The following DDX43 variants were observed in gnomAD, a reference collection of about 807,000 sequenced individuals.
The protein encoded by DDX43 is DEAD-box helicase 43, also known as probable ATP-dependent RNA helicase DDX43.
In DDX43, 50 loss-of-function variants were observed where a neutral mutation model predicts 84.9. The observed-to-expected ratio is 0.59, with a 90% confidence interval of 0.47 to 0.75. DDX43 has a LOEUF of 0.75. Among genes scored for constraint, DDX43 ranks in the 30% least tolerant of loss-of-function variants. The pLI, the probability that DDX43 is intolerant of heterozygous loss-of-function variation, is 0.00. For synonymous variants in DDX43, 291 were observed against 266.3 expected, an observed-to-expected ratio of 1.09 and a Z score of -0.90; for missense variants, 689 against 798.6, an observed-to-expected ratio of 0.86 and a Z score of 1.65.
chr6:73,401,489 AG>A (rs910622486), intron 3 of DDX43, among the ~76,000 whole-genome samples: 2 of 152,212 alleles, frequency 1.3e-5, no homozygotes, highest in Non-Finnish European at 2.9e-5. Context: ...TTATATTTTA[AG>A]CATTGTCTGT....
At position 73,395,158 on chromosome 6, in the gene DDX43, G is replaced by T; in HGVS notation, c.250+3G>T. 5 of 1,606,888 alleles carry T rather than the reference G, an allele frequency of 3.1e-6. No individual in the cohort carries two copies. Among genetic ancestry groups the T allele is most frequent in the South Asian group, 1.1e-5 (1 of 90,406 alleles). ...CCACTTTGTTGGCGCGGTAATCGGT[G>T]AGAATGGGAGTGGCTGGCAGGGCAG... On this transcript the variant is annotated splice_donor_region_variant and intron_variant, in intron 1 of 16. Coordinates refer to ENST00000370336, the MANE Select transcript of DDX43 (RefSeq NM_018665.3).
At position 73,395,202 on chromosome 6, in the gene DDX43, C is replaced by T. The variant is rs772839079; in HGVS notation, c.250+47C>T. ...AGGGCAGGATAGGTGGGGCCAGGGG[C>T]GGAGCCTGGGCGAAGGCATTTCCTC... is the stretch of plus-strand genomic sequence containing the variant. On this transcript the variant is annotated intron_variant, in intron 1 of 16. Transcript: ENST00000370336. 13 of 1,544,844 alleles carry T rather than the reference C, an allele frequency of 8.4e-6. No homozygotes were observed. In the Admixed American group the frequency reaches 2.4e-4, roughly 28 times the overall value.
chr6:73,412,151 A>G lies in DDX43; in HGVS notation c.1281-54A>G, dbSNP rs967346026. The G allele has an allele frequency of 4.7e-6, 7 of 1,482,244 alleles. No homozygotes were observed. The African/African-American group carries it at 9.8e-5, about 21-fold the overall frequency. 91.8% of individuals were successfully genotyped at this position (1,482,244 alleles called of 1,614,324 possible). On this transcript the variant is annotated intron_variant, in intron 10 of 16. Transcript: ENST00000370336. ...ACTTGGTTCATAGCATGCTTAAGGA[A>G]ACATAGTAATGTTTTTACAACAAAA...
chr6:73,408,539 A>G (rs980479123), intron 9 of DDX43, among the ~76,000 whole-genome samples: 1 of 152,076 alleles, frequency 6.6e-6, no homozygotes, highest in Non-Finnish European at 1.5e-5. Flanking sequence ...TTCTTTTAGA[A>G]TGGCTGTCGA....
intron 3 of DDX43, among the ~76,000 whole-genome samples, chr6:73,401,354 T>G (rs1438601692): frequency 6.6e-6 from 1 of 152,200 alleles, no homozygotes; most frequent in East Asian, 1.9e-4. Context: ...TATGACAATA[T>G]TTTAGCAAAC....
In DDX43 at chr6:73,401,622, G is replaced by A. The variant is rs1769571420; in HGVS notation, c.437-237G>A. Among the ~76,000 whole-genome samples the A allele has an allele frequency of 1.3e-5, 2 of 152,172 alleles. 1 individual carries two copies. Among genetic ancestry groups the A allele is most frequent in the South Asian group, 4.1e-4 (2 of 4,822 alleles). On this transcript the variant is annotated intron_variant, in intron 3 of 16. Coordinates refer to ENST00000370336, the MANE Select transcript of DDX43 (RefSeq NM_018665.3). ...TCGAGACCATCCTGGCTAACACGGT[G>A]AAACCCCGTCTCTACTATAAAATAC...
chr6:73,415,631 A>C, intron 15 of DDX43, 47 bp downstream of exon 15: 57 of 1,370,780 alleles, frequency 4.2e-5, no homozygotes, highest in Non-Finnish European at 5.6e-5. Context: ...TCAGTATCTC[A>C]GTCAGTTATG....
chr6:73,416,542 G>A (rs1245829098), intron 16 of DDX43, among the ~76,000 whole-genome samples: 1 of 152,148 alleles, frequency 6.6e-6, no homozygotes, highest in Non-Finnish European at 1.5e-5. Flanking sequence ...GCCCTAAAAA[G>A]GAAGAAAACT....
intron 6 of DDX43, 86 bp from the exon 7 acceptor site, chr6:73,406,278 T>C: frequency 2.2e-6 from 2 of 928,412 alleles, no homozygotes; most frequent in Non-Finnish European, 3.4e-6. Flanking sequence ...CGCCTCGGCC[T>C]CCCAAAGTGC....
At chr6:73,415,441 C>G (rs769330419) in intron 14 of DDX43, 56 bp from the exon 15 acceptor site, 195 of 1,271,896 alleles carry the variant, frequency 1.5e-4, no homozygotes, top group Non-Finnish European at 2.1e-4. Flanking sequence ...TTTCATTTGT[C>G]TTATTCTGTA....
At position 73,407,542 on chromosome 6, in the gene DDX43, C is replaced by A. The variant is rs1334712245; in HGVS notation, c.964C>A (p.Leu322Ile). The change falls in exon 8 of 17, where the codon CTA becomes ATA. Residue 322 changes from leucine (L) to isoleucine (I), a missense_variant. This residue lies in a region of DDX43 where 552 missense variants were observed against 692.7 expected (regional missense o/e 0.80). Coordinates refer to ENST00000370336, the MANE Select transcript of DDX43 (RefSeq NM_018665.3). Reference sequence around the variant, plus strand: ...AAGGAATAGACCCGGCATGTTAGTTCTAACTCCCACTCGGGAATTAGCACT... The same window carrying A: ...AAGGAATAGACCCGGCATGTTAGTTATAACTCCCACTCGGGAATTAGCACT... ...GQRNRPGMLVLTPTRELALQV... is the reference protein window; with the variant it reads ...GQRNRPGMLVITPTRELALQV... 1 of 1,613,974 alleles carries A rather than the reference C, an allele frequency of 6.2e-7. No individual in the cohort carries two copies. The highest frequency in any genetic ancestry group is 1.1e-5 in the South Asian group (1 of 91,068).
rs751146932 is a variant in DDX43 at position 73,408,081 on chromosome 6, C to G, written c.1159C>G (p.Leu387Val). 9 of 1,613,856 alleles carry G rather than the reference C, an allele frequency of 5.6e-6. No homozygotes were observed. The highest frequency in any genetic ancestry group is 7.6e-6 in the Non-Finnish European group (9 of 1,179,964). ...NDLQMSNFVN[L>V]KNITYLVLDE... ...TCTGCAAATGAGTAACTTCGTCAAT[C>G]TGAAGAATATAACCTACTTGGTAAT... is the stretch of plus-strand genomic sequence containing the variant. Residue 387 changes from leucine to valine, a missense_variant, in exon 9 of 17, where the codon CTG becomes GTG. Coordinates refer to ENST00000370336, the MANE Select transcript of DDX43 (RefSeq NM_018665.3).
chr6:73,414,787 A>C (rs1287362231), intron 14 of DDX43, 101 bp downstream of exon 14: 2 of 1,106,816 alleles, frequency 1.8e-6, no homozygotes, highest in East Asian at 2.5e-5. Context: ...ATTACCTATA[A>C]TTTTTCAGCT....
At chr6:73,400,763 G>A (rs1294532750) in intron 3 of DDX43, among the ~76,000 whole-genome samples, 1 of 152,044 alleles carries the variant, frequency 6.6e-6, no homozygotes, top group Non-Finnish European at 1.5e-5. Context: ...GGCTGACATT[G>A]AAAACTGCTT....
chr6:73,416,131 G>T lies in DDX43; in HGVS notation c.1852G>T (p.Val618Leu), dbSNP rs771051398. The change falls in exon 16 of 17, where the codon GTA (valine) becomes TTA (leucine). Residue 618 changes from valine to leucine, a missense_variant. Val to Leu is a conservative substitution (Grantham distance 32, BLOSUM62 1). Around this residue, in one of 2 missense-constraint regions of DDX43, gnomAD observed 552 missense variants for 692.7 expected, o/e 0.80. Transcript: ENST00000370336. ...RANQSIPEEL[V>L]SMAERFKAHQ... ...ATTTCAGAGTATTCCAGAGGAGCTT[G>T]TATCAATGGCTGAGAGGTTTAAGGC... is the stretch of plus-strand genomic sequence containing the variant. The T allele has an allele frequency of 7.7e-6, 12 of 1,557,178 alleles. No homozygotes were observed. In the South Asian group the frequency reaches 1.1e-4, roughly 14 times the overall value.
Position 73,406,411 on chromosome 6 carries a change from A to C in DDX43, c.855A>C (p.Val285=). The C allele has an allele frequency of 6.2e-7, 1 of 1,613,758 alleles. No homozygotes were observed. The highest frequency in any genetic ancestry group is 8.5e-7 in the Non-Finnish European group (1 of 1,179,698). The change falls in exon 7 of 17, where the codon GTA becomes GTC. Residue 285 remains valine (V), a synonymous_variant. Coordinates refer to ENST00000370336, the MANE Select transcript of DDX43 (RefSeq NM_018665.3). ...IVLQGIDLIG[V]AQTGTGKTLC... ...TGCAAGGAATAGATCTTATAGGAGT[A>C]GCCCAGACTGGAACAGGAAAGACAT...
At position 73,395,024 on chromosome 6, in the gene DDX43, C is replaced by G; in HGVS notation, c.119C>G (p.Pro40Arg). The G allele has an allele frequency of 6.2e-7, 1 of 1,614,226 alleles. No individual in the cohort carries two copies. Among genetic ancestry groups the G allele is most frequent in the Non-Finnish European group, 8.5e-7 (1 of 1,180,040 alleles). The change falls in exon 1 of 17, where the codon CCT (proline) becomes CGT (arginine). Residue 40 changes from proline to arginine, a missense_variant. Pro to Arg is a moderately radical substitution (Grantham distance 103). Around this residue, in one of 2 missense-constraint regions of DDX43, gnomAD observed 137 missense variants for 105.9 expected, o/e 1.29. Coordinates refer to ENST00000370336, the MANE Select transcript of DDX43 (RefSeq NM_018665.3). ...GCGGAGGAGTTGAATCGAACAGGTCCTGAGGGATATAGTGTCGGCAGAGGT... is the reference window on the plus strand; with the variant it reads ...GCGGAGGAGTTGAATCGAACAGGTCGTGAGGGATATAGTGTCGGCAGAGGT... ...RPAEELNRTG[P>R]EGYSVGRGGR...
intron 3 of DDX43, 75 bp from the exon 4 acceptor site, chr6:73,401,784 A>G: frequency 1.5e-6 from 2 of 1,378,398 alleles, no homozygotes; most frequent in Non-Finnish European, 1.9e-6. Context: ...CCTGGGGGAC[A>G]GAGCGAGACT....
intron 11 of DDX43, among the ~76,000 whole-genome samples, chr6:73,412,656 T>TGTGTGC (rs1554236129): frequency 0.01 from 880 of 87,886 alleles, 24 homozygotes; most frequent in African/African-American, 0.033. Flanking sequence ...TGTGTGTGTG[T>TGTGTGC]GTGTGTGTGT....
Sources: allele counts gnomAD v4.1 joint callset (sites outside exome capture counted in the v4.1 genomes callset), GRCh38; gene constraint gnomAD v4.1.1; regional missense constraint gnomAD v4.1.1; transcripts MANE v1.5; gene names NCBI Gene and HGNC (gene_info 2026-07-23, HGNC 2026-07-21).